The following AGBL1 variants were observed in gnomAD, a reference collection of about 807,000 sequenced individuals.
The protein encoded by AGBL1 is cytosolic carboxypeptidase 4.
AGBL1 carries 130 observed loss-of-function variants against 118.9 expected under a neutral mutation model. The observed-to-expected ratio is 1.09, with a 90% CI of 0.95 to 1.26. The LOEUF (loss-of-function observed/expected upper bound fraction) is 1.26, where lower values mean the gene tolerates loss of function less well. Ranked by LOEUF, AGBL1 falls within the 50% of genes most tolerant of loss-of-function variation. The pLI is 0.00. For synonymous variants in AGBL1, 555 were observed against 478.9 expected (o/e 1.16, Z -2.08); for missense variants, 1,584 against 1,298.1 (o/e 1.22, Z -3.38).
chr15:86,956,498 G>A (rs566771245), intron 23 of AGBL1, among the ~76,000 whole-genome samples: 12 of 152,026 alleles, frequency 7.9e-5, no homozygotes, highest in South Asian at 4.1e-4. Context: ...ATACTTGAGT[G>A]TAAAAACTAG....
intron 23 of AGBL1, among the ~76,000 whole-genome samples, chr15:86,964,498 A>G (rs1020769456): frequency 3.3e-5 from 5 of 152,016 alleles, no homozygotes; most frequent in Admixed American, 1.3e-4. Context: ...ATCTATTAAT[A>G]GTAGGTCCGT....
Position 86,827,013 on chromosome 15 carries a change from T to C in AGBL1, c.3159-80074T>C, listed in dbSNP as rs377107101. On this transcript the variant is annotated intron_variant, in intron 22 of 22. Transcript: ENST00000614907. Reference sequence around the variant, plus strand: ...GGTGACTTTTGATTAAAGGCAAAGGTCTACCCCATAAGGAAGAGCCCTACA... The same window carrying C: ...GGTGACTTTTGATTAAAGGCAAAGGCCTACCCCATAAGGAAGAGCCCTACA... Among the ~76,000 whole-genome samples the C allele has an allele frequency of 2.1e-4, 32 of 151,732 alleles. No individual in the cohort carries two copies. In the South Asian group the frequency reaches 6.0e-3, roughly 29 times the overall value.
In AGBL1 at chr15:86,615,007, G is replaced by C. The variant is rs1349443134; in HGVS notation, c.2995-59266G>C. On this transcript the variant is annotated intron_variant, in intron 21 of 22. Coordinates refer to ENST00000614907, the MANE Select transcript of AGBL1 (RefSeq NM_001386094.1). This position sits in a 1 kb window ranked among gnomAD's most constrained non-coding sequence, Gnocchi z 4.3. ...GATGAGCAAAGAAAACTAGAATGGT[G>C]AGAGTTCATGGCAGGGCAATTTGGA... 6.6e-6 allele frequency among the ~76,000 whole-genome samples: 1 copy of C among 152,146 alleles called. No individual in the cohort carries two copies. The highest frequency in any genetic ancestry group is 2.4e-5 in the African/African-American group (1 of 41,440).
intron 21 of AGBL1, among the ~76,000 whole-genome samples, chr15:86,654,722 C>A (rs2085434972): frequency 6.6e-6 from 1 of 152,078 alleles, no homozygotes; most frequent in Admixed American, 6.6e-5. Flanking sequence ...TTGGGGAGGA[C>A]TGTGGTCATT....
intron 6 of AGBL1, among the ~76,000 whole-genome samples, chr15:86,246,569 G>A (rs2078725027): frequency 1.3e-5 from 2 of 152,196 alleles, no homozygotes; most frequent in Non-Finnish European, 2.9e-5. Flanking sequence ...GCAGATGTGG[G>A]AAATGTTGGG....
intron 21 of AGBL1, among the ~76,000 whole-genome samples, chr15:86,643,662 C>T (rs2085228134): frequency 6.6e-6 from 1 of 152,044 alleles, no homozygotes; most frequent in Non-Finnish European, 1.5e-5. Flanking sequence ...ATTAGTTTGA[C>T]ATTTTTTAAA....
chr15:86,091,280 G>A (rs561260108), intron 1 of AGBL1, among the ~76,000 whole-genome samples: 8 of 152,288 alleles, frequency 5.3e-5, no homozygotes, highest in East Asian at 3.9e-4. Context: ...ATCAGCAGAC[G>A]CTTTCCTACT....
intron 5 of AGBL1, among the ~76,000 whole-genome samples, chr15:86,213,745 T>A (rs1016282798): frequency 2.0e-5 from 3 of 152,172 alleles, no homozygotes; most frequent in African/African-American, 7.2e-5. Context: ...TTTTTGTTAT[T>A]TTTTTATTAT....
At chr15:86,570,013 A>C (rs1288408568) in intron 21 of AGBL1, among the ~76,000 whole-genome samples, 1 of 152,242 alleles carries the variant, frequency 6.6e-6, no homozygotes, top group African/African-American at 2.4e-5. Flanking sequence ...GAACAGACAA[A>C]CAAAATCAAA....
At chr15:86,326,570 T>G in intron 17 of AGBL1, among the ~76,000 whole-genome samples, 1 of 148,520 alleles carries the variant, frequency 6.7e-6, no homozygotes, top group Admixed American at 6.6e-5. Flanking sequence ...TGTGTATAGC[T>G]TTTCTTTTCT....
intron 12 of AGBL1, among the ~76,000 whole-genome samples, chr15:86,266,706 T>C (rs2079078367): frequency 6.6e-6 from 1 of 152,076 alleles, no homozygotes; most frequent in East Asian, 1.9e-4. Flanking sequence ...ATGGAGACCA[T>C]TCTGGCTAAC....
chr15:86,619,195 C>T (rs758799880), intron 21 of AGBL1, among the ~76,000 whole-genome samples: 5 of 152,166 alleles, frequency 3.3e-5, no homozygotes, highest in Admixed American at 1.3e-4. Flanking sequence ...TCAATTATAA[C>T]GTCAAGCATA....
intron 18 of AGBL1, among the ~76,000 whole-genome samples, chr15:86,518,091 T>C (rs1395075890): frequency 6.6e-6 from 1 of 152,176 alleles, no homozygotes; most frequent in Non-Finnish European, 1.5e-5. Context: ...TCTGATGGGC[T>C]CTATCCCTCT....
At chr15:86,130,874 C>T (rs575860128) in intron 1 of AGBL1, among the ~76,000 whole-genome samples, 1 of 152,230 alleles carries the variant, frequency 6.6e-6, no homozygotes, top group African/African-American at 2.4e-5. Context: ...CAGTTCTTTC[C>T]TGGTGTCTCT....
intron 23 of AGBL1, among the ~76,000 whole-genome samples, chr15:86,952,703 A>C (rs1567256426): frequency 2.0e-5 from 3 of 152,110 alleles, no homozygotes; most frequent in Non-Finnish European, 4.4e-5. Context: ...CAACTTGTCA[A>C]TTTTTTGTAT....
intron 22 of AGBL1, among the ~76,000 whole-genome samples, chr15:86,765,188 T>G (rs2141278209): frequency 6.6e-6 from 1 of 152,106 alleles, no homozygotes; most frequent in Middle Eastern, 3.4e-3. Flanking sequence ...AGCCCCTGAC[T>G]TGTATTTTTA....
At chr15:86,402,433 T>G (rs1262763610) in intron 18 of AGBL1, among the ~76,000 whole-genome samples, 2 of 152,130 alleles carry the variant, frequency 1.3e-5, no homozygotes, top group African/African-American at 2.4e-5. Flanking sequence ...TTTACAGATT[T>G]GGATGCCCTT....
At chr15:86,936,508 G>A (rs2080677316) in intron 23 of AGBL1, among the ~76,000 whole-genome samples, 2 of 152,070 alleles carry the variant, frequency 1.3e-5, no homozygotes, top group Admixed American at 1.3e-4. Flanking sequence ...ATGTTATCAG[G>A]ACTATTAAAA....
chr15:86,124,059 G>A (rs1056791331), intron 1 of AGBL1, among the ~76,000 whole-genome samples: 4 of 152,150 alleles, frequency 2.6e-5, no homozygotes, highest in Non-Finnish European at 4.4e-5. Context: ...GCGGGGTGCA[G>A]TGGCTCACAC....
Sources: allele counts gnomAD v4.1 joint callset (sites outside exome capture counted in the v4.1 genomes callset), GRCh38; gene constraint gnomAD v4.1.1; non-coding constraint Gnocchi (gnomAD v3.1); transcripts MANE v1.5; gene names NCBI Gene and HGNC (gene_info 2026-07-23, HGNC 2026-07-21).